ARHGEF33: variants seen among roughly 807,000 people sequenced by gnomAD.
The protein encoded by ARHGEF33 is DH and coiled-coil domain-containing protein ENSP00000381780.
A neutral mutation model predicts 101.9 loss-of-function variants in ARHGEF33; 72 were observed. That is an observed-to-expected ratio of 0.71 (90% CI 0.58 to 0.86). ARHGEF33 has a LOEUF of 0.86. ARHGEF33 is among the 40% of genes least tolerant of loss of function. The pLI, the probability that ARHGEF33 is intolerant of heterozygous loss-of-function variation, is 0.00. For missense variants in ARHGEF33, 1,169 were observed against 1,111.3 expected, an observed-to-expected ratio of 1.05 and a Z score of -0.74; for synonymous variants, 499 against 442.5, an observed-to-expected ratio of 1.13 and a Z score of -1.60.
At position 38,960,530 on chromosome 2, in the gene ARHGEF33, GCGCCGCGCAGGCGCACGGCCCGGCCGC is replaced by G; in HGVS notation, c.2232_2258del (p.Gln745_Ala753del). On this transcript the variant is annotated inframe_deletion, in exon 16 of 18. Coordinates refer to ENST00000409978, the MANE Select transcript of ARHGEF33 (RefSeq NM_001145451.5). ...GGCCGCGCGCCCATCAAGGCCGAGC[GCGCCGCGCAGGCGCACGGCCCGGCCGC>G]CGCCGCCGTCGCCGCCCGCGGCGCA... 1 of 1,255,932 alleles carries G rather than the reference GCGCCGCGCAGGCGCACGGCCCGGCCGC, an allele frequency of 8.0e-7. No individual in the cohort carries two copies. Among genetic ancestry groups the G allele is most frequent in the Non-Finnish European group, 1.0e-6 (1 of 999,298 alleles). The allele number at this position is 1,255,932 out of a possible 1,614,324, so 77.8% of individuals were successfully genotyped here.
At chr2:38,902,993 G>A (rs959424572) in intron 2 of ARHGEF33, among the ~76,000 whole-genome samples, 19 of 152,108 alleles carry the variant, frequency 1.2e-4, no homozygotes, top group Non-Finnish European at 2.2e-4. Flanking sequence ...GTAGGATATT[G>A]TAAATTTGGG....
At position 38,911,147 on chromosome 2, in the gene ARHGEF33, G is replaced by GA. The variant is rs528308100; in HGVS notation, c.-85-8207dup. On this transcript the variant is annotated intron_variant, in intron 2 of 17. Transcript: ENST00000409978. ...AATAATGTTGCTTTTAGGCTCTATA[G>GA]AAAAAAAAAGCAAATAGCCCTTTTC... 1.1e-4 allele frequency among the ~76,000 whole-genome samples: 16 copies of GA among 150,414 alleles called. No homozygotes were observed. The East Asian group carries it at 1.4e-3, about 13-fold the overall frequency.
chr2:38,937,311 C>CTTGGGGGGGGGGGGGGGG, intron 8 of ARHGEF33, 24 bp from the exon 9 acceptor site: 3 of 583,932 alleles, frequency 5.1e-6, no homozygotes, highest in Non-Finnish European at 8.9e-6. Context: ...CTTTGTTTCC[C>CTTGGGGGGGGGGGGGGGG]CGCCCCTCCC....
chr2:38,941,214 G>T (rs1425630416), intron 9 of ARHGEF33, among the ~76,000 whole-genome samples: 1 of 152,110 alleles, frequency 6.6e-6, no homozygotes, highest in Non-Finnish European at 1.5e-5. Flanking sequence ...CAAATTGGAG[G>T]GTGTGGGGTT....
intron 6 of ARHGEF33, among the ~76,000 whole-genome samples, chr2:38,930,235 A>G (rs1666965105): frequency 1.3e-5 from 2 of 152,226 alleles, no homozygotes; most frequent in Non-Finnish European, 2.9e-5. Context: ...CTAGGGTTGA[A>G]AATAAATTTA....
At chr2:38,896,265 A>T (rs1666120720) in intron 2 of ARHGEF33, among the ~76,000 whole-genome samples, 1 of 152,130 alleles carries the variant, frequency 6.6e-6, no homozygotes, top group African/African-American at 2.4e-5. Flanking sequence ...CAGCCTCCCG[A>T]GTAGCTGGGA....
intron 2 of ARHGEF33, among the ~76,000 whole-genome samples, chr2:38,904,798 A>G (rs150105697): frequency 7.9e-5 from 12 of 152,292 alleles, no homozygotes; most frequent in African/African-American, 2.9e-4. Flanking sequence ...AGTGACATTT[A>G]AAGGAAAACA....
chr2:38,957,195 C>G, intron 14 of ARHGEF33, 148 bp downstream of exon 14: 1 of 1,038,222 alleles, frequency 9.6e-7, no homozygotes, highest in South Asian at 1.6e-5. Context: ...GCTAGTCAGA[C>G]TGGTTATAGG....
At chr2:38,897,717 T>A (rs1666151454) in intron 2 of ARHGEF33, among the ~76,000 whole-genome samples, 1 of 152,176 alleles carries the variant, frequency 6.6e-6, no homozygotes, top group Non-Finnish European at 1.5e-5. Context: ...ATAATGGAAG[T>A]GTAGACAAGA....
At chr2:38,944,197 A>G (rs1436835935) in intron 10 of ARHGEF33, among the ~76,000 whole-genome samples, 167 bp downstream of exon 10, 1 of 152,362 alleles carries the variant, frequency 6.6e-6, no homozygotes, top group Middle Eastern at 3.4e-3. Flanking sequence ...TTGTGCTGCT[A>G]TGACAGAATA....
intron 10 of ARHGEF33, among the ~76,000 whole-genome samples, chr2:38,945,974 T>C (rs1667440905): frequency 6.6e-6 from 1 of 152,184 alleles, no homozygotes; most frequent in African/African-American, 2.4e-5. Context: ...TCATACCACT[T>C]CCCCAAAGCC....
intron 7 of ARHGEF33, among the ~76,000 whole-genome samples, chr2:38,932,245 C>T (rs1667023855): frequency 6.6e-6 from 1 of 152,124 alleles, no homozygotes; most frequent in Non-Finnish European, 1.5e-5. Context: ...ACCTTTGCCT[C>T]TGCCTCCCAA....
At position 38,928,978 on chromosome 2, in the gene ARHGEF33, T is replaced by C. The variant is rs1168627297; in HGVS notation, c.147T>C (p.His49=). 7.1e-6 allele frequency: 11 copies of C among 1,551,376 alleles called. No homozygotes were observed. Among genetic ancestry groups the C allele is most frequent in the Admixed American group, 2.0e-5 (1 of 50,986 alleles). The part of the protein sequence containing the change: ...EAMQELSRIQ[H]GEYALEEKVK... Reference sequence around the variant, plus strand: ...TGCAAGAACTGTCAAGAATTCAACATGGAGAATATGCTTTGGAAGAAAAGG... The same window carrying C: ...TGCAAGAACTGTCAAGAATTCAACACGGAGAATATGCTTTGGAAGAAAAGG... Residue 49 remains histidine, a synonymous_variant, in exon 5 of 18, where the codon CAT becomes CAC. Transcript: ENST00000409978.
rs139228800 is a variant in ARHGEF33 at position 38,964,849 on chromosome 2, T to A, written c.2344-1157T>A. Among the ~76,000 whole-genome samples the A allele has an allele frequency of 1.8e-3, 271 of 152,264 alleles. 6 individuals are homozygous for A. The East Asian group carries it at 0.034, about 19-fold the overall frequency. On this transcript the variant is annotated intron_variant, in intron 16 of 17. Coordinates refer to ENST00000409978, the MANE Select transcript of ARHGEF33 (RefSeq NM_001145451.5). Reference sequence around the variant, plus strand: ...GATTACCTAGGCCTAACTGCAGAGATTCTGATTCACAAAGTCTGGGATGGG... The same window carrying A: ...GATTACCTAGGCCTAACTGCAGAGAATCTGATTCACAAAGTCTGGGATGGG...
intron 2 of ARHGEF33, among the ~76,000 whole-genome samples, chr2:38,903,333 A>C (rs1157944163): frequency 6.6e-6 from 1 of 152,222 alleles, no homozygotes; most frequent in African/African-American, 2.4e-5. Context: ...TCACACGCTA[A>C]AGGAAGGGCC....
intron 1 of ARHGEF33, among the ~76,000 whole-genome samples, chr2:38,893,641 G>A (rs1666056508): frequency 6.6e-6 from 1 of 152,036 alleles, no homozygotes; most frequent in African/African-American, 2.4e-5. Flanking sequence ...AGTTATTTAT[G>A]TGTCTCATCT....
intron 11 of ARHGEF33, among the ~76,000 whole-genome samples, chr2:38,952,703 A>AT (rs11455955): frequency 0.057 from 8,246 of 145,022 alleles, 419 homozygotes; most frequent in African/African-American, 0.14. Context: ...TTTAAGATAC[A>AT]TTTTTTTTTT....
rs373950674 is a variant in ARHGEF33 at position 38,956,949 on chromosome 2, G to C, written c.1272G>C (p.Leu424=). The change falls in exon 14 of 18, where the codon CTG becomes CTC. Residue 424 remains leucine, a synonymous_variant. Transcript: ENST00000409978. ...EQEHPDYYLL[L]VCVQRLRVFI... ...AGCACCCTGACTATTATCTACTACTGGTGTGTGTCCAGCGCCTCCGAGTAT... is the reference window on the plus strand; with the variant it reads ...AGCACCCTGACTATTATCTACTACTCGTGTGTGTCCAGCGCCTCCGAGTAT... 1 of 1,552,188 alleles carries C rather than the reference G, an allele frequency of 6.4e-7. No homozygotes were observed. The highest frequency in any genetic ancestry group is 8.7e-7 in the Non-Finnish European group (1 of 1,147,140).
intron 2 of ARHGEF33, among the ~76,000 whole-genome samples, chr2:38,916,027 AAAAAT>A (rs1666625443): frequency 6.6e-6 from 1 of 152,206 alleles, no homozygotes; most frequent in African/African-American, 2.4e-5. Context: ...TGTCTCTACA[AAAAAT>A]AAAATAAAAG....
Sources: gnomAD v4.1 joint callset for allele counts (sites outside exome capture counted in the v4.1 genomes callset) on GRCh38, gnomAD v4.1.1 for gene constraint, MANE v1.5 for transcripts, NCBI Gene and HGNC (gene_info 2026-07-23, HGNC 2026-07-21) for gene names.